KLHL21: variants seen among roughly 807,000 people sequenced by gnomAD.
KLHL21 encodes the protein kelch-like protein 21.
Under a neutral mutation model 44.1 loss-of-function variants are expected in KLHL21, and 42 were observed. The observed-to-expected ratio is 0.95, with a 90% CI of 0.74 to 1.23. The LOEUF is 1.23. Among genes scored for constraint, KLHL21 ranks in the 50% most tolerant of loss-of-function variants. KLHL21 has a pLI of 0.00. For synonymous variants in KLHL21, 524 were observed against 411.6 expected, an observed-to-expected ratio of 1.27 and a Z score of -3.31; for missense variants, 918 against 889.1, an observed-to-expected ratio of 1.03 and a Z score of -0.41.
chr1:6,593,906 T>C, intron 3 of KLHL21: 1 of 1,291,620 alleles, frequency 7.7e-7, no homozygotes, highest in Non-Finnish European at 9.8e-7. Context: ...CCTCCCCGTG[T>C]GCAGGTCGTG....
chr1:6,602,819 G>A lies in KLHL21; in HGVS notation c.-2C>T, dbSNP rs1207835265. 7 of 1,437,242 alleles carry A rather than the reference G, an allele frequency of 4.9e-6. No homozygotes were observed. The highest frequency in any genetic ancestry group is 2.9e-5 in the East Asian group (1 of 34,028). The allele number at this position is 1,437,242 out of a possible 1,614,324, so 89.0% of individuals were successfully genotyped here. Reference sequence around the variant, plus strand: ...GGCCAGGGGCGCCGGTCGCTCCATGGCGCCTTCGATAGGTTGTCGAGGACG... The same window carrying A: ...GGCCAGGGGCGCCGGTCGCTCCATGACGCCTTCGATAGGTTGTCGAGGACG... On this transcript the variant is annotated 5_prime_UTR_variant, in exon 1 of 4. Coordinates refer to ENST00000377658, the MANE Select transcript of KLHL21 (RefSeq NM_014851.4).
At position 6,599,192 on chromosome 1, in the gene KLHL21, C is replaced by T. The variant is rs1318228826; in HGVS notation, c.1282G>A (p.Gly428Ser). Reference sequence around the variant, plus strand: ...ATGGTCTCCTTGCCAGCCAGGGAGCCGATGGCATAGAGCCGGCCACGGCAC... The same window carrying T: ...ATGGTCTCCTTGCCAGCCAGGGAGCTGATGGCATAGAGCCGGCCACGGCAC... ...TACRGRLYAI[G>S]SLAGKETMVM... The change falls in exon 2 of 4, where the codon GGC becomes AGC. Residue 428 changes from glycine to serine, a missense_variant. Transcript: ENST00000377658. 14 of 1,614,034 alleles carry T rather than the reference C, an allele frequency of 8.7e-6. No individual in the cohort carries two copies. The highest frequency in any genetic ancestry group is 2.2e-5 in the East Asian group (1 of 44,896).
chr1:6,601,709 G>C (rs1160617441), intron 1 of KLHL21, 88 bp downstream of exon 1: 3 of 1,459,916 alleles, frequency 2.1e-6, no homozygotes, highest in Non-Finnish European at 1.8e-6. Context: ...AGGATTCCAG[G>C]CTCTGTGCGC....
intron 1 of KLHL21, among the ~76,000 whole-genome samples, chr1:6,601,521 G>C (rs1204000535): frequency 6.6e-6 from 1 of 152,214 alleles, no homozygotes; most frequent in Non-Finnish European, 1.5e-5. Context: ...CAACCAAGTG[G>C]GGAGGCACCT....
In KLHL21 at chr1:6,595,524, C is replaced by G. The variant is rs1053737566; in HGVS notation, c.1461G>C (p.Pro487=). 6.2e-7 allele frequency: 1 copy of G among 1,614,120 alleles called. No individual in the cohort carries two copies. Among genetic ancestry groups the G allele is most frequent in the East Asian group, 2.2e-5 (1 of 44,882 alleles). The change falls in exon 3 of 4, where the codon CCG becomes CCC. Residue 487 remains proline (P), a synonymous_variant. Transcript: ENST00000377658. The part of the protein sequence containing the change: ...DDSAEVDVYN[P]TRNEWDKIPS... ...GGATCTTGTCCCATTCGTTCCTCGT[C>G]GGGTTGTACACGTCCACCTCAGCGG...
intron 3 of KLHL21, chr1:6,593,960 G>A: frequency 8.4e-7 from 1 of 1,185,956 alleles, no homozygotes. Flanking sequence ...CTCTGCAGTG[G>A]CCCTCTGGGC....
chr1:6,595,783 C>T (rs1053789863), intron 2 of KLHL21, among the ~76,000 whole-genome samples: 17 of 152,240 alleles, frequency 1.1e-4, no homozygotes, highest in Non-Finnish European at 1.8e-4. Context: ...AGAACTCTCA[C>T]TCCCAAACCT....
At chr1:6,593,815 C>A in intron 3 of KLHL21, 157 bp from the exon 4 acceptor site, 1 of 1,373,174 alleles carries the variant, frequency 7.3e-7, no homozygotes, top group Non-Finnish European at 9.4e-7. Context: ...CCCTTTCCAA[C>A]ACCCTGCCTA....
chr1:6,601,017 T>G (rs966705305), intron 1 of KLHL21, among the ~76,000 whole-genome samples: 2 of 152,184 alleles, frequency 1.3e-5, no homozygotes, highest in Admixed American at 1.3e-4. Context: ...CCCCACCTCC[T>G]TGCCTGATAA....
Position 6,591,859 on chromosome 1 carries a change from A to G in KLHL21, c.*1506T>C, listed in dbSNP as rs1640855378. The G allele has an allele frequency of 1.3e-5, 2 of 152,342 alleles. No individual in the cohort carries two copies. Among genetic ancestry groups the G allele is most frequent in the Admixed American group, 6.5e-5 (1 of 15,292 alleles). 9.4% of individuals were successfully genotyped at this position (152,342 alleles called of 1,614,324 possible). ...GTTCCATGCTGCCCACAGGACTCCC[A>G]GCCAGGCCCCAGCAGGCCTGGACAG... On this transcript the variant is annotated 3_prime_UTR_variant, in exon 4 of 4. Coordinates refer to ENST00000377658, the MANE Select transcript of KLHL21 (RefSeq NM_014851.4).
At position 6,593,251 on chromosome 1, in the gene KLHL21, AGAGCCTGTGCTCCTCCTGT is replaced by A. The variant is rs1640876600; in HGVS notation, c.*95_*113del. ...GATCCTGGGCTGGCTTCGCCACCCA[AGAGCCTGTGCTCCTCCTGT>A]GAGCCCAACGTGTCCTTGTGCACAA... On this transcript the variant is annotated 3_prime_UTR_variant, in exon 4 of 4. Transcript: ENST00000377658. 7.5e-6 allele frequency: 9 copies of A among 1,203,162 alleles called. No individual in the cohort carries two copies. The South Asian group carries it at 1.2e-4, about 16-fold the overall frequency. 74.5% of individuals were successfully genotyped at this position (1,203,162 alleles called of 1,614,324 possible).
At chr1:6,601,105 G>A (rs997839860) in intron 1 of KLHL21, among the ~76,000 whole-genome samples, 7 of 152,166 alleles carry the variant, frequency 4.6e-5, no homozygotes, top group Non-Finnish European at 8.8e-5. Flanking sequence ...CCCGACAAAG[G>A]AGGTAGCCTC....
chr1:6,601,577 G>A (rs907708670), intron 1 of KLHL21, among the ~76,000 whole-genome samples: 3 of 152,200 alleles, frequency 2.0e-5, no homozygotes, highest in Non-Finnish European at 4.4e-5. Context: ...GCCGCACGGG[G>A]CACAGAGACC....
rs1324310054 is a variant in KLHL21, at chr1:6,593,138, G to A, written c.*227C>T. On this transcript the variant is annotated 3_prime_UTR_variant, in exon 4 of 4. Transcript: ENST00000377658. Reference sequence around the variant, plus strand: ...CAAGACCCAGAAACATGTGCTGGCAGGAAAGTGGCTCTTCCTCAACTGCAG... The same window carrying A: ...CAAGACCCAGAAACATGTGCTGGCAAGAAAGTGGCTCTTCCTCAACTGCAG... 3.8e-6 allele frequency: 2 copies of A among 530,876 alleles called. No individual in the cohort carries two copies. Among genetic ancestry groups the A allele is most frequent in the Non-Finnish European group, 6.7e-6 (2 of 298,958 alleles). 32.9% of individuals were successfully genotyped at this position (530,876 alleles called of 1,614,324 possible).
chr1:6,599,037 T>C lies in KLHL21; in HGVS notation c.1427+10A>G. On this transcript the variant is annotated intron_variant, in intron 2 of 3. Coordinates refer to ENST00000377658, the MANE Select transcript of KLHL21 (RefSeq NM_014851.4). ...CAAACACACAGTGGGGCTCGGCACCTGGAACTCACCTGACAAAGTACATGA... is the reference window on the plus strand; with the variant it reads ...CAAACACACAGTGGGGCTCGGCACCCGGAACTCACCTGACAAAGTACATGA... 1 of 1,562,408 alleles carries C rather than the reference T, an allele frequency of 6.4e-7. No individual in the cohort carries two copies. Among genetic ancestry groups the C allele is most frequent in the Non-Finnish European group, 8.7e-7 (1 of 1,151,350 alleles).
chr1:6,591,289 A>C lies in KLHL21; in HGVS notation c.*2076T>G, dbSNP rs111407998. On this transcript the variant is annotated 3_prime_UTR_variant, in exon 4 of 4. Coordinates refer to ENST00000377658, the MANE Select transcript of KLHL21 (RefSeq NM_014851.4). Reference sequence around the variant, plus strand: ...GGAGGACAGACACAGGAGAGGGCACAATCCCAAGCGCAGCTCTCCTGCACT... The same window carrying C: ...GGAGGACAGACACAGGAGAGGGCACCATCCCAAGCGCAGCTCTCCTGCACT... 0.022 allele frequency: 7,122 copies of C among 326,282 alleles called. 120 individuals carry two copies. The highest frequency in any genetic ancestry group is 0.035 in the East Asian group (769 of 22,028). The allele number at this position is 326,282 out of a possible 1,614,324, so 20.2% of individuals were successfully genotyped here.
At position 6,599,430 on chromosome 1, in the gene KLHL21, G is replaced by A; in HGVS notation, c.1044C>T (p.Leu348=). 1 of 1,607,726 alleles carries A rather than the reference G, an allele frequency of 6.2e-7. No homozygotes were observed. The highest frequency in any genetic ancestry group is 1.1e-5 in the South Asian group (1 of 90,924). The change falls in exon 2 of 4, where the codon CTC becomes CTT. Residue 348 remains leucine, a synonymous_variant. Coordinates refer to ENST00000377658, the MANE Select transcript of KLHL21 (RefSeq NM_014851.4). ...YVTGGSDGSR[L]YDCVWRYNSS... The stretch of plus-strand genomic sequence containing the variant: ...AGTTGTACCTCCACACGCAGTCATA[G>A]AGCCGGGAGCCATCGGACCCACCTG...
chr1:6,593,231 T>C lies in KLHL21; in HGVS notation c.*134A>G. ...CAGAAACCTTCCAGGTAATGGATCC[T>C]GGGCTGGCTTCGCCACCCAAGAGCC... On this transcript the variant is annotated 3_prime_UTR_variant, in exon 4 of 4. Coordinates refer to ENST00000377658, the MANE Select transcript of KLHL21 (RefSeq NM_014851.4). The C allele has an allele frequency of 1.1e-6, 1 of 950,314 alleles. No homozygotes were observed. Among genetic ancestry groups the C allele is most frequent in the East Asian group, 2.6e-5 (1 of 38,918 alleles). 58.9% of individuals were successfully genotyped at this position (950,314 alleles called of 1,614,324 possible).
chr1:6,602,185 C>T lies in KLHL21; in HGVS notation c.633G>A (p.Pro211=). The change falls in exon 1 of 4, where the codon CCG becomes CCA. Residue 211 remains proline, a synonymous_variant. Coordinates refer to ENST00000377658, the MANE Select transcript of KLHL21 (RefSeq NM_014851.4). The part of the protein sequence containing the change: ...LALRWVRADP[P]RRAAHWPQLL... ...GCTGCGGCCAGTGCGCGGCGCGGCGCGGCGGGTCAGCGCGGACCCAGCGCA... is the reference window on the plus strand; with the variant it reads ...GCTGCGGCCAGTGCGCGGCGCGGCGTGGCGGGTCAGCGCGGACCCAGCGCA... 3 of 1,442,970 alleles carry T rather than the reference C, an allele frequency of 2.1e-6. No individual in the cohort carries two copies. Among genetic ancestry groups the T allele is most frequent in the Non-Finnish European group, 2.7e-6 (3 of 1,108,182 alleles). The allele number at this position is 1,442,970 out of a possible 1,614,324, so 89.4% of individuals were successfully genotyped here.
Sources: gnomAD v4.1 joint callset for allele counts (sites outside exome capture counted in the v4.1 genomes callset) on GRCh38, gnomAD v4.1.1 for gene constraint, MANE v1.5 for transcripts, NCBI Gene and HGNC (gene_info 2026-07-23, HGNC 2026-07-21) for gene names.